Variants in SHANK2 observed in about 807,000 individuals in gnomAD.
The protein encoded by SHANK2 is SH3 and multiple ankyrin repeat domains 2, also known as SH3 and multiple ankyrin repeat domains protein 2.
In SHANK2, 43 loss-of-function variants were observed where a neutral mutation model predicts 133.7. The ratio of observed to expected loss-of-function variants is 0.32; its 90% CI spans 0.25 to 0.41. The LOEUF is 0.41. SHANK2 is among the 10% of genes least tolerant of loss of function. The pLI, the probability that SHANK2 is intolerant of heterozygous loss-of-function variation, is 1.00. For synonymous variants in SHANK2, 1,017 were observed against 952.8 expected (o/e 1.07, Z -1.24); for missense variants, 1,994 against 2,235.8 (o/e 0.89, Z 2.18).
chr11:70,661,789 C>T (rs553829535), intron 15 of SHANK2, 111 bp from the exon 16 acceptor site: 101 of 1,613,410 alleles, frequency 6.3e-5, no homozygotes, highest in Non-Finnish European at 1.4e-5. Context: ...CACCCCAGCT[C>T]GCCAGATCCA....
rs569299646 is a variant in SHANK2, at chr11:70,820,885, G to T, written c.1175-203C>A. On this transcript the variant is annotated intron_variant, in intron 11 of 25. Coordinates refer to ENST00000601538, the MANE Select transcript of SHANK2 (RefSeq NM_012309.5). ...CCCTGACATGGAAGCAGAGAGACAG[G>T]CTGGGGACGGAGAACATCTCCACGG... is the stretch of plus-strand genomic sequence containing the variant. Among the ~76,000 whole-genome samples the T allele has an allele frequency of 3.1e-4, 47 of 152,312 alleles. 1 individual carries two copies. In the South Asian group the frequency reaches 9.5e-3, roughly 31 times the overall value.
chr11:70,710,214 G>C (rs1945751574), intron 14 of SHANK2, among the ~76,000 whole-genome samples: 1 of 152,166 alleles, frequency 6.6e-6, no homozygotes, highest in South Asian at 2.1e-4. Flanking sequence ...ACACCTGGGG[G>C]CTGTGCCGTC....
chr11:70,687,701 G>A (rs150404411), intron 15 of SHANK2, among the ~76,000 whole-genome samples: 92 of 152,320 alleles, frequency 6.0e-4, no homozygotes, highest in African/African-American at 2.0e-3. Context: ...GCCTGCCGGC[G>A]GGGCTCAGGG....
chr11:70,865,213 T>C (rs1949333951), intron 11 of SHANK2: 1 of 152,096 alleles, frequency 6.6e-6, no homozygotes, highest in Admixed American at 6.5e-5. Flanking sequence ...GTCCTTATGA[T>C]ACCCGTGAGA....
chr11:70,896,269 G>T (rs782207532), intron 11 of SHANK2: 1 of 444,860 alleles, frequency 2.2e-6, no homozygotes, highest in Non-Finnish European at 4.0e-6. Context: ...CATCCTTCTA[G>T]AGAGGCATGT....
chr11:71,144,199 T>TG (rs58527083), intron 3 of SHANK2, among the ~76,000 whole-genome samples: 11,082 of 151,450 alleles, frequency 0.073, 916 homozygotes, highest in African/African-American at 0.2. Flanking sequence ...GCTCAGGAGG[T>TG]GGGGGAGGGA....
At chr11:70,715,774 G>T (rs760874313) in intron 14 of SHANK2, among the ~76,000 whole-genome samples, 7 of 152,144 alleles carry the variant, frequency 4.6e-5, no homozygotes, top group Non-Finnish European at 7.4e-5. Flanking sequence ...TTCCAGAATG[G>T]CTCTCTCTCC....
chr11:71,118,326 A>G (rs1952018603), intron 4 of SHANK2, among the ~76,000 whole-genome samples: 1 of 152,202 alleles, frequency 6.6e-6, no homozygotes, highest in Non-Finnish European at 1.5e-5. Flanking sequence ...CTATAAAGAA[A>G]TACCTGAGAC....
intron 1 of SHANK2, among the ~76,000 whole-genome samples, chr11:71,247,662 T>G (rs1031482156): frequency 3.3e-5 from 5 of 152,064 alleles, no homozygotes; most frequent in Non-Finnish European, 7.4e-5. Flanking sequence ...CTGATCTTCC[T>G]CTCCCTCTGG....
At chr11:70,661,822 A>C (rs1385747326) in intron 15 of SHANK2, 144 bp from the exon 16 acceptor site, 1 of 1,610,088 alleles carries the variant, frequency 6.2e-7, no homozygotes, top group Non-Finnish European at 8.5e-7. Flanking sequence ...GAAAGGAGGC[A>C]GCGAGGGTGC....
intron 15 of SHANK2, among the ~76,000 whole-genome samples, chr11:70,671,408 T>G (rs374948501): frequency 6.6e-6 from 1 of 152,112 alleles, no homozygotes; most frequent in African/African-American, 2.4e-5. Context: ...GTATCCTCAC[T>G]TGACGACTAC....
At chr11:70,927,055 GAAA>G (rs1555081737) in intron 10 of SHANK2, among the ~76,000 whole-genome samples, 1 of 151,916 alleles carries the variant, frequency 6.6e-6, no homozygotes, top group African/African-American at 2.4e-5. Context: ...ACGTGGCAGG[GAAA>G]AAAAGAATAC....
chr11:70,918,228 G>A (rs868988523), intron 10 of SHANK2, among the ~76,000 whole-genome samples: 4 of 152,330 alleles, frequency 2.6e-5, no homozygotes, highest in South Asian at 4.1e-4. Flanking sequence ...GCTCCATGCG[G>A]GGCGGGGGCC....
chr11:71,223,620 G>T (rs1591036601), intron 2 of SHANK2, among the ~76,000 whole-genome samples: 1 of 152,306 alleles, frequency 6.6e-6, no homozygotes, highest in Non-Finnish European at 1.5e-5. Flanking sequence ...ATGGACTTTT[G>T]TATTCATGGG....
At chr11:70,582,756 G>T (rs917730579) in intron 17 of SHANK2, among the ~76,000 whole-genome samples, 1 of 152,206 alleles carries the variant, frequency 6.6e-6, no homozygotes, top group Non-Finnish European at 1.5e-5. Flanking sequence ...TGTGTGCTAT[G>T]GTGGTGTTCT....
intron 8 of SHANK2, among the ~76,000 whole-genome samples, chr11:71,085,728 A>T (rs1417417224): frequency 0.043 from 1,888 of 43,418 alleles, 36 homozygotes; most frequent in East Asian, 0.12. Context: ...TATTATATAA[A>T]ATATAATATA....
intron 14 of SHANK2, among the ~76,000 whole-genome samples, chr11:70,788,443 G>A (rs1947716736): frequency 6.6e-6 from 1 of 152,218 alleles, no homozygotes; most frequent in African/African-American, 2.4e-5. Context: ...GTGATGTCGA[G>A]TGCCGTTCCG....
chr11:70,661,334 C>T (rs1293636500), intron 16 of SHANK2, among the ~76,000 whole-genome samples: 1 of 152,106 alleles, frequency 6.6e-6, no homozygotes, highest in African/African-American at 2.4e-5. Flanking sequence ...CCATTCAGAA[C>T]AACATCATCT....
At position 70,468,647 on chromosome 11, in the gene SHANK2, G is replaced by A. The variant is rs1194930376; in HGVS notation, c.*4222C>T. The A allele has an allele frequency of 1.3e-5, 2 of 152,202 alleles. No individual in the cohort carries two copies. Among genetic ancestry groups the A allele is most frequent in the African/African-American group, 4.8e-5 (2 of 41,454 alleles). 9.4% of individuals were successfully genotyped at this position (152,202 alleles called of 1,614,324 possible). The stretch of plus-strand genomic sequence containing the variant: ...AGTGGTCTGGAAGAAACCATTGGAA[G>A]CAAAGTCTAGGGGGGTGCCAAGGTT... On this transcript the variant is annotated 3_prime_UTR_variant, in exon 26 of 26. Transcript: ENST00000601538.
Sources: allele counts gnomAD v4.1 joint callset (sites outside exome capture counted in the v4.1 genomes callset), GRCh38; gene constraint gnomAD v4.1.1; transcripts MANE v1.5; gene names NCBI Gene and HGNC (gene_info 2026-07-23, HGNC 2026-07-21).